The following NCAM1 variants were observed in gnomAD, a reference collection of about 807,000 sequenced individuals.
NCAM1 encodes antigen recognized by monoclonal antibody 5.1H11.
NCAM1 carries 14 observed loss-of-function variants against 109.8 expected under a neutral mutation model. The observed-to-expected ratio is 0.13, with a 90% CI of 0.08 to 0.20. The LOEUF is 0.20. Ranked by LOEUF, NCAM1 falls within the 10% of genes least tolerant of loss-of-function variation. NCAM1 has a pLI of 1.00. For synonymous variants in NCAM1, 418 were observed against 442.9 expected (o/e 0.94, Z 0.70); for missense variants, 774 against 1,109.9 (o/e 0.70, Z 4.30).
rs923836285 is a variant in NCAM1 at position 112,963,787 on chromosome 11, G to A, written c.52+2123G>A. 6.6e-6 allele frequency among the ~76,000 whole-genome samples: 1 copy of A among 152,198 alleles called. No homozygotes were observed. The highest frequency in any genetic ancestry group is 2.4e-5 in the African/African-American group (1 of 41,446). On this transcript the variant is annotated intron_variant, in intron 1 of 19. Transcript: ENST00000316851. This position sits in a 1 kb window ranked among gnomAD's most constrained non-coding sequence, Gnocchi z 4.6. ...ATCATCGTGATGGGTACAGTCATCA[G>A]TATTTGGATCCCGTGGAAGTTGCAG... is the stretch of plus-strand genomic sequence containing the variant.
intron 1 of NCAM1, among the ~76,000 whole-genome samples, chr11:113,055,791 A>G (rs1953675647): frequency 6.6e-6 from 1 of 151,666 alleles, no homozygotes; most frequent in Non-Finnish European, 1.5e-5. Context: ...AGGTTCCTCA[A>G]AAAAACTAAA....
intron 1 of NCAM1, among the ~76,000 whole-genome samples, chr11:113,057,293 A>C (rs1259355532): frequency 2.0e-5 from 3 of 152,076 alleles, no homozygotes; most frequent in African/African-American, 7.2e-5. Context: ...ACATTGGCAA[A>C]GGCATTGAGG....
Position 113,221,594 on chromosome 11 carries a change from C to T in NCAM1, c.1089+269C>T, listed in dbSNP as rs1944695070. 8.1e-6 allele frequency: 3 copies of T among 370,106 alleles called. No individual in the cohort carries two copies. The South Asian group carries it at 1.3e-4, about 16-fold the overall frequency. The allele number at this position is 370,106 out of a possible 1,614,324, so 22.9% of individuals were successfully genotyped here. A position where few individuals can be genotyped will look rare whatever the true frequency, so the allele number is the denominator to read the frequency against. On this transcript the variant is annotated intron_variant, in intron 9 of 19. Transcript: ENST00000316851. ...GTAAAATCACATCCAGGTAATTACA[C>T]CAATAGAAATAAATTGCCCCCAATT...
chr11:113,158,160 G>A (rs1327599140), intron 1 of NCAM1, among the ~76,000 whole-genome samples: 1 of 152,104 alleles, frequency 6.6e-6, no homozygotes, highest in Non-Finnish European at 1.5e-5. Flanking sequence ...TTAAGTATTG[G>A]AAAATTGTTA....
At chr11:113,113,379 A>G (rs1940537218) in intron 1 of NCAM1, among the ~76,000 whole-genome samples, 1 of 152,174 alleles carries the variant, frequency 6.6e-6, no homozygotes, top group African/African-American at 2.4e-5. Flanking sequence ...GAAATAAGCA[A>G]TGTCCTGCCC....
intron 1 of NCAM1, among the ~76,000 whole-genome samples, chr11:113,079,913 G>A (rs1938711265): frequency 6.6e-6 from 1 of 152,168 alleles, no homozygotes; most frequent in East Asian, 1.9e-4. Context: ...TCTTCAAAAC[G>A]AATGGTCTTC....
intron 1 of NCAM1, among the ~76,000 whole-genome samples, chr11:113,189,481 G>A (rs1347651281): frequency 1.3e-4 from 20 of 150,210 alleles, no homozygotes; most frequent in African/African-American, 4.9e-4. Context: ...AAGAAAAGAA[G>A]CATAGCCTTT....
rs369793545 is a variant in NCAM1 at position 113,207,884 on chromosome 11, C to T, written c.798C>T (p.Ser266=). 41 of 1,611,480 alleles carry T rather than the reference C, an allele frequency of 2.5e-5. 1 individual carries two copies. The Middle Eastern group carries it at 3.3e-3, about 129-fold the overall frequency. ...AAGACGATGAGAAGTACATCTTCAGCGACGATAGTTCCCAGCTGACCATCA... is the reference window on the plus strand; with the variant it reads ...AAGACGATGAGAAGTACATCTTCAGTGACGATAGTTCCCAGCTGACCATCA... ...QEEDDEKYIF[S]DDSSQLTIKK... The change falls in exon 7 of 20, where the codon AGC becomes AGT. Residue 266 remains serine (S), a synonymous_variant. Coordinates refer to ENST00000316851, the MANE Select transcript of NCAM1 (RefSeq NM_181351.5).
chr11:113,092,492 G>A (rs1442253289), intron 1 of NCAM1, among the ~76,000 whole-genome samples: 1 of 152,110 alleles, frequency 6.6e-6, no homozygotes, highest in African/African-American at 2.4e-5. Context: ...GAGTCACAGG[G>A]AGGTTAAATT....
chr11:113,165,901 C>T (rs1555105186), intron 1 of NCAM1, among the ~76,000 whole-genome samples: 1 of 152,014 alleles, frequency 6.6e-6, no homozygotes, highest in Non-Finnish European at 1.5e-5. Flanking sequence ...CAAGCTCTGC[C>T]TCCCGGGTTC....
intron 14 of NCAM1, 52 bp from the exon 15 acceptor site, chr11:113,246,316 T>C (rs1162833155): frequency 2.7e-6 from 2 of 729,738 alleles, no homozygotes; most frequent in African/African-American, 3.4e-5. Flanking sequence ...ATCATGTGAC[T>C]TTGTCATGTG....
intron 1 of NCAM1, among the ~76,000 whole-genome samples, chr11:113,068,052 G>A (rs529246403): frequency 4.6e-5 from 7 of 151,810 alleles, no homozygotes; most frequent in Admixed American, 2.6e-4. Flanking sequence ...CTGGGACTAC[G>A]GGCACCCGCC....
chr11:113,210,987 A>G (rs1944376633), intron 7 of NCAM1, among the ~76,000 whole-genome samples: 1 of 152,118 alleles, frequency 6.6e-6, no homozygotes, highest in South Asian at 2.1e-4. Flanking sequence ...TAGTCTGCGG[A>G]GCGTTCATGC....
intron 1 of NCAM1, among the ~76,000 whole-genome samples, chr11:113,134,997 C>T (rs1396670926): frequency 6.6e-6 from 1 of 152,068 alleles, no homozygotes; most frequent in African/African-American, 2.4e-5. Flanking sequence ...ACCTGAGCTA[C>T]AGGGCTATGG....
chr11:113,093,791 A>G (rs1555089804), intron 1 of NCAM1, among the ~76,000 whole-genome samples: 1 of 152,208 alleles, frequency 6.6e-6, no homozygotes, highest in African/African-American at 2.4e-5. Flanking sequence ...GGAGCAAATA[A>G]CAATAGTCAA....
intron 1 of NCAM1, among the ~76,000 whole-genome samples, chr11:113,139,061 T>C (rs1289022853): frequency 1.3e-5 from 2 of 152,236 alleles, no homozygotes; most frequent in Middle Eastern, 3.2e-3. Flanking sequence ...TTACCTTTCT[T>C]AGACAATAGG....
intron 8 of NCAM1, among the ~76,000 whole-genome samples, chr11:113,220,523 A>G (rs979486701): frequency 1.3e-5 from 2 of 151,824 alleles, no homozygotes; most frequent in East Asian, 3.9e-4. Context: ...ATGCATGAGC[A>G]TTAAATGGCA....
At chr11:113,052,761 C>T (rs1953552558) in intron 1 of NCAM1, among the ~76,000 whole-genome samples, 1 of 152,108 alleles carries the variant, frequency 6.6e-6, no homozygotes, top group Non-Finnish European at 1.5e-5. Flanking sequence ...TAAACGTGTG[C>T]CATGGTGGTT....
chr11:113,022,482 C>A (rs576482800), intron 1 of NCAM1, among the ~76,000 whole-genome samples: 3 of 152,114 alleles, frequency 2.0e-5, no homozygotes, highest in Non-Finnish European at 2.9e-5. Context: ...ATGTAGCCAG[C>A]GGCTTCATAT....
Sources: allele counts gnomAD v4.1 joint callset (sites outside exome capture counted in the v4.1 genomes callset), GRCh38; gene constraint gnomAD v4.1.1; non-coding constraint Gnocchi (gnomAD v3.1); transcripts MANE v1.5; gene names NCBI Gene and HGNC (gene_info 2026-07-23, HGNC 2026-07-21).